Variants in LEPR observed in about 807,000 individuals in gnomAD.
LEPR encodes the protein leptin receptor.
In LEPR, 56 loss-of-function variants were observed where a neutral mutation model predicts 114.7. The observed-to-expected ratio is 0.49, with a 90% CI of 0.39 to 0.61. LEPR has a LOEUF of 0.61. LEPR is among the 20% of genes least tolerant of loss of function. LEPR has a pLI of 0.00. For missense variants in LEPR, 1,202 were observed against 1,352.9 expected, an observed-to-expected ratio of 0.89 and a Z score of 1.75; for synonymous variants, 443 against 461.4, an observed-to-expected ratio of 0.96 and a Z score of 0.51.
chr1:65,487,858 T>G (rs1344147656), intron 2 of LEPR, among the ~76,000 whole-genome samples: 1 of 152,052 alleles, frequency 6.6e-6, no homozygotes, highest in Non-Finnish European at 1.5e-5. Context: ...GTTAGGAACA[T>G]TCCAATTCCA....
intron 4 of LEPR, among the ~76,000 whole-genome samples, chr1:65,571,654 TAAA>T (rs377763359): frequency 6.8e-4 from 89 of 131,224 alleles, no homozygotes; most frequent in Non-Finnish European, 8.7e-4. Flanking sequence ...TGTCTAATGT[TAAA>T]AAAAAAAAAA....
At chr1:65,553,694 C>T (rs762986989) in intron 2 of LEPR, among the ~76,000 whole-genome samples, 1 of 152,022 alleles carries the variant, frequency 6.6e-6, no homozygotes, top group Non-Finnish European at 1.5e-5. Flanking sequence ...TTGTTATTAC[C>T]CACCTTCTGA....
intron 2 of LEPR, among the ~76,000 whole-genome samples, chr1:65,443,629 G>A (rs1646677167): frequency 6.6e-6 from 1 of 152,074 alleles, no homozygotes; most frequent in South Asian, 2.1e-4. Context: ...ATGATTGGAT[G>A]AGTTCATATT....
chr1:65,514,115 TAAAC>T (rs1394378057), intron 2 of LEPR, among the ~76,000 whole-genome samples: 1 of 152,264 alleles, frequency 6.6e-6, no homozygotes, highest in Admixed American at 6.5e-5. Flanking sequence ...TATGAGATTA[TAAAC>T]AAACAATCCA....
chr1:65,430,574 A>G (rs964617763), intron 2 of LEPR, among the ~76,000 whole-genome samples: 3 of 152,190 alleles, frequency 2.0e-5, no homozygotes, highest in Non-Finnish European at 4.4e-5. Context: ...AATTTATTCA[A>G]TTATTTGCTA....
intron 2 of LEPR, chr1:65,526,136 T>C (rs1263571234): frequency 1.0e-6 from 1 of 957,156 alleles, no homozygotes; most frequent in African/African-American, 2.6e-5. Flanking sequence ...CCGGCCAACT[T>C]CTTTTCCAGG....
chr1:65,494,064 G>T (rs1283909638), intron 2 of LEPR: 2 of 152,132 alleles, frequency 1.3e-5, no homozygotes, highest in Admixed American at 1.3e-4. Flanking sequence ...TGTTCTGGGA[G>T]GTGGGACAGT....
chr1:65,594,790 A>C (rs1655940902), intron 6 of LEPR, among the ~76,000 whole-genome samples: 1 of 152,018 alleles, frequency 6.6e-6, no homozygotes, highest in Admixed American at 6.6e-5. Context: ...AGGGGTTATC[A>C]GTAAGAATGA....
At chr1:65,540,903 C>T (rs1414992913) in intron 2 of LEPR, among the ~76,000 whole-genome samples, 2 of 152,176 alleles carry the variant, frequency 1.3e-5, no homozygotes, top group Non-Finnish European at 2.9e-5. Flanking sequence ...GCAATTTTGG[C>T]TCACTGTAAT....
chr1:65,474,924 T>C (rs1647136974), intron 2 of LEPR, among the ~76,000 whole-genome samples: 1 of 150,084 alleles, frequency 6.7e-6, no homozygotes, highest in Admixed American at 6.7e-5. Flanking sequence ...GGAGAATTGC[T>C]TGAACCTGGG....
intron 2 of LEPR, among the ~76,000 whole-genome samples, chr1:65,489,358 T>C (rs983246019): frequency 1.3e-5 from 2 of 152,194 alleles, no homozygotes; most frequent in African/African-American, 4.8e-5. Flanking sequence ...TGCATTACTC[T>C]GATGATCAAT....
chr1:65,481,409 A>T (rs944908645), intron 2 of LEPR, among the ~76,000 whole-genome samples: 8 of 152,186 alleles, frequency 5.3e-5, no homozygotes, highest in African/African-American at 1.9e-4. Flanking sequence ...AAATACACCA[A>T]TAATATAACA....
chr1:65,488,192 C>CTTTA (rs1352809601), intron 2 of LEPR, among the ~76,000 whole-genome samples: 3 of 20,524 alleles, frequency 1.5e-4, no homozygotes, highest in African/African-American at 6.1e-4. Context: ...TTCTTTCTTT[C>CTTTA]TTTCTTTCTT....
chr1:65,482,924 G>T (rs1647287548), intron 2 of LEPR, among the ~76,000 whole-genome samples: 1 of 151,202 alleles, frequency 6.6e-6, no homozygotes, highest in Non-Finnish European at 1.5e-5. Context: ...GGAGGTGGAG[G>T]TTGCAGTGAG....
At chr1:65,600,116 A>G (rs1656345762) in intron 8 of LEPR, among the ~76,000 whole-genome samples, 1 of 152,242 alleles carries the variant, frequency 6.6e-6, no homozygotes, top group Non-Finnish European at 1.5e-5. Context: ...AAACTCAATT[A>G]TATTTTTTAT....
chr1:65,605,100 A>G lies in LEPR; in HGVS notation c.1466A>G (p.Tyr489Cys). 6.2e-7 allele frequency: 1 copy of G among 1,614,050 alleles called. No homozygotes were observed. The highest frequency in any genetic ancestry group is 8.5e-7 in the Non-Finnish European group (1 of 1,179,996). The change falls in exon 11 of 20, where the codon TAT becomes TGT. Residue 489 changes from tyrosine to cysteine, a missense_variant. Transcript: ENST00000349533. Reference protein sequence around the residue: ...IHPISEPKDCYLQSDGFYECI... With the variant: ...IHPISEPKDCCLQSDGFYECI... ...CCCATATCTGAGCCCAAAGATTGCT[A>G]TTTGCAGAGTGATGGTTTTTATGAA...
intron 2 of LEPR, among the ~76,000 whole-genome samples, chr1:65,514,954 G>A (rs1462037091): frequency 2.6e-5 from 4 of 152,200 alleles, no homozygotes; most frequent in Admixed American, 2.6e-4. Context: ...ATCATTAGAT[G>A]AATCAGATAA....
At chr1:65,466,352 C>T (rs1429897181) in intron 2 of LEPR, among the ~76,000 whole-genome samples, 1 of 152,072 alleles carries the variant, frequency 6.6e-6, no homozygotes, top group Non-Finnish European at 1.5e-5. Context: ...GAATATTGGC[C>T]CCCACTCTCT....
intron 5 of LEPR, among the ~76,000 whole-genome samples, chr1:65,586,800 C>G (rs1453527452): frequency 6.6e-6 from 1 of 151,854 alleles, no homozygotes; most frequent in Admixed American, 6.6e-5. Flanking sequence ...GGCATGGTTA[C>G]AGAAAGCTTT....
Sources: allele counts gnomAD v4.1 joint callset (sites outside exome capture counted in the v4.1 genomes callset), GRCh38; gene constraint gnomAD v4.1.1; transcripts MANE v1.5; gene names NCBI Gene and HGNC (gene_info 2026-07-23, HGNC 2026-07-21).